Variants in TRIO observed in about 807,000 individuals in gnomAD.
The protein encoded by TRIO is triple functional domain protein.
A neutral mutation model predicts 351.9 loss-of-function variants in TRIO; 58 were observed. The observed-to-expected ratio is 0.16, with a 90% CI of 0.13 to 0.21. The LOEUF is 0.21. Among genes scored for constraint, TRIO ranks in the 10% least tolerant of loss-of-function variants. TRIO has a pLI of 1.00. For synonymous variants in TRIO, 1,758 were observed against 1,595.7 expected, an observed-to-expected ratio of 1.10 and a Z score of -2.42; for missense variants, 3,201 against 4,027.8, an observed-to-expected ratio of 0.79 and a Z score of 5.56.
chr5:14,265,691 T>C (rs1795631297), intron 1 of TRIO, among the ~76,000 whole-genome samples: 2 of 152,180 alleles, frequency 1.3e-5, no homozygotes, highest in African/African-American at 4.8e-5. Context: ...CTTAGAAAGG[T>C]ATTTGTCTCA....
intron 9 of TRIO, among the ~76,000 whole-genome samples, chr5:14,320,493 GC>G (rs1739783518): frequency 6.6e-6 from 1 of 152,216 alleles, no homozygotes; most frequent in South Asian, 2.1e-4. Flanking sequence ...CTTCTGCAAA[GC>G]CCCCGTTTCC....
chr5:14,508,577 C>T lies in TRIO; in HGVS notation c.*155C>T. Reference sequence around the variant, plus strand: ...TGAGCTGTGCTCAGCAGTGCTTGGACACAGAGCTGCAAGCTGCGCTGGGGT... The same window carrying T: ...TGAGCTGTGCTCAGCAGTGCTTGGATACAGAGCTGCAAGCTGCGCTGGGGT... On this transcript the variant is annotated 3_prime_UTR_variant, in exon 57 of 57. Transcript: ENST00000344204. The T allele has an allele frequency of 1.0e-6, 1 of 968,944 alleles. No homozygotes were observed. 60.0% of individuals were successfully genotyped at this position (968,944 alleles called of 1,614,324 possible).
chr5:14,143,584 C>A lies in TRIO; in HGVS notation c.-142C>A. 5.7e-6 allele frequency: 1 copy of A among 174,556 alleles called. No homozygotes were observed. Among genetic ancestry groups the A allele is most frequent in the South Asian group, 1.7e-4 (1 of 6,024 alleles). The allele number at this position is 174,556 out of a possible 1,614,324, so 10.8% of individuals were successfully genotyped here. ...GGGCCGAGCCGCCGCCGCCGCCCCC[C>A]GCCGCCCCGGGGCTCTGCGTCCGCG... On this transcript the variant is annotated 5_prime_UTR_variant, in exon 1 of 57. Coordinates refer to ENST00000344204, the MANE Select transcript of TRIO (RefSeq NM_007118.4).
intron 34 of TRIO, 141 bp from the exon 35 acceptor site, chr5:14,460,878 C>A: frequency 1.1e-6 from 1 of 923,508 alleles, no homozygotes; most frequent in Non-Finnish European, 1.6e-6. Flanking sequence ...CAGCCCCTGT[C>A]ATCTCACACC....
At chr5:14,229,862 G>A (rs1019654720) in intron 1 of TRIO, among the ~76,000 whole-genome samples, 4 of 152,148 alleles carry the variant, frequency 2.6e-5, no homozygotes, top group African/African-American at 7.2e-5. Context: ...CAGTGGTACC[G>A]AAATGCAGGT....
intron 9 of TRIO, among the ~76,000 whole-genome samples, chr5:14,329,659 C>T (rs1740727201): frequency 6.6e-6 from 1 of 152,182 alleles, no homozygotes; most frequent in Admixed American, 6.5e-5. Flanking sequence ...AGTGAACCTT[C>T]AATACTATAG....
At chr5:14,316,917 G>T (rs1202239092) in intron 9 of TRIO, among the ~76,000 whole-genome samples, 174 bp downstream of exon 9, 1 of 152,218 alleles carries the variant, frequency 6.6e-6, no homozygotes, top group Non-Finnish European at 1.5e-5. Flanking sequence ...TGTTCAGGCT[G>T]CTGTCAGCCA....
intron 34 of TRIO, among the ~76,000 whole-genome samples, chr5:14,426,794 A>T (rs761216389): frequency 6.6e-6 from 1 of 152,152 alleles, no homozygotes; most frequent in African/African-American, 2.4e-5. Context: ...GCTCAGTGGG[A>T]GACTCTCAGC....
At chr5:14,491,283 G>T (rs189172536) in intron 48 of TRIO, among the ~76,000 whole-genome samples, 22 of 152,302 alleles carry the variant, frequency 1.4e-4, no homozygotes, top group Non-Finnish European at 2.6e-4. Context: ...GCTGAGAGGC[G>T]GTAGAGCAGG....
rs200445950 is a variant in TRIO, at chr5:14,366,842, T to C, written c.2755-18T>C. 3.7e-6 allele frequency: 6 copies of C among 1,614,134 alleles called. No individual in the cohort carries two copies. The East Asian group carries it at 6.7e-5, about 18-fold the overall frequency. On this transcript the variant is annotated intron_variant, in intron 15 of 56. Transcript: ENST00000344204. ...CTGGGAAGTCCACTGCTTGGAGTTA[T>C]CCTGTGTAATGTTTCAGGTGCTGGG... is the stretch of plus-strand genomic sequence containing the variant.
rs561790958 is a variant in TRIO at position 14,416,130 on chromosome 5, C to CAACT, written c.4960-3647_4960-3644dup. ...TAGATAAATAAAATGGTAACTCTTT[C>CAACT]AACTGAGGGTAGAAATTCTCTGAAA... On this transcript the variant is annotated intron_variant, in intron 33 of 56. Transcript: ENST00000344204. Among the ~76,000 whole-genome samples the CAACT allele has an allele frequency of 2.1e-3, 310 of 149,758 alleles. 1 individual carries two copies. Among genetic ancestry groups the CAACT allele is most frequent in the Non-Finnish European group, 3.1e-3 (212 of 67,572 alleles).
chr5:14,426,916 T>C (rs1158956302), intron 34 of TRIO, among the ~76,000 whole-genome samples: 1 of 152,234 alleles, frequency 6.6e-6, no homozygotes, highest in Non-Finnish European at 1.5e-5. Context: ...ATAGATTTAT[T>C]TATTTGCTGG....
chr5:14,451,588 A>T (rs978542156), intron 34 of TRIO, among the ~76,000 whole-genome samples: 4 of 152,264 alleles, frequency 2.6e-5, no homozygotes, highest in Admixed American at 2.0e-4. Context: ...ATTCTTGACA[A>T]GACAGAAGTT....
chr5:14,182,904 A>G (rs1418317789), intron 1 of TRIO, among the ~76,000 whole-genome samples: 1 of 148,598 alleles, frequency 6.7e-6, no homozygotes, highest in East Asian at 2.0e-4. Flanking sequence ...TTCTAGAGCA[A>G]GGGTGGCAGC....
chr5:14,340,493 G>A (rs564259336), intron 11 of TRIO, among the ~76,000 whole-genome samples: 1 of 152,192 alleles, frequency 6.6e-6, no homozygotes, highest in East Asian at 1.9e-4. Context: ...CGTGACAGAA[G>A]TTAGTCTTCC....
In TRIO at chr5:14,507,866, A is replaced by G. The variant is rs755802860; in HGVS notation, c.8752-14A>G. On this transcript the variant is annotated splice_polypyrimidine_tract_variant and intron_variant, in intron 56 of 56. Coordinates refer to ENST00000344204, the MANE Select transcript of TRIO (RefSeq NM_007118.4). The stretch of plus-strand genomic sequence containing the variant: ...TGGATGGTCTGAAAATGACAGTTGT[A>G]TTCTGATTTCCAGCCTGAGAATATC... 7.5e-6 allele frequency: 12 copies of G among 1,607,400 alleles called. No homozygotes were observed. Among genetic ancestry groups the G allele is most frequent in the Non-Finnish European group, 9.3e-6 (11 of 1,176,630 alleles).
At chr5:14,150,161 A>C (rs529044975) in intron 1 of TRIO, among the ~76,000 whole-genome samples, 6 of 152,222 alleles carry the variant, frequency 3.9e-5, no homozygotes, top group Non-Finnish European at 8.8e-5. Context: ...TAGATCACAA[A>C]CTATAGTACA....
chr5:14,291,788 TAAAAAA>T lies in TRIO; in HGVS notation c.1053+583_1053+588del, dbSNP rs57424190. On this transcript the variant is annotated intron_variant, in intron 5 of 56. Coordinates refer to ENST00000344204, the MANE Select transcript of TRIO (RefSeq NM_007118.4). ...TGGGCGACAGAGTGAGACTCCGTCT[TAAAAAA>T]AAAAAAAAAAAAAAAAAAAAAAGTG... is the stretch of plus-strand genomic sequence containing the variant. 4.9e-5 allele frequency among the ~76,000 whole-genome samples: 5 copies of T among 101,016 alleles called. 1 individual carries two copies. Among genetic ancestry groups the T allele is most frequent in the Admixed American group, 2.4e-4 (2 of 8,352 alleles). The allele number at this position is 101,016 out of a possible 152,430, so 66.3% of individuals were successfully genotyped here.
intron 1 of TRIO, among the ~76,000 whole-genome samples, chr5:14,163,225 A>G (rs1027343712): frequency 1.3e-5 from 2 of 151,816 alleles, no homozygotes; most frequent in Admixed American, 6.6e-5. Flanking sequence ...CTGTGCCCAT[A>G]TCTTCTCATT....
Sources: allele counts gnomAD v4.1 joint callset (sites outside exome capture counted in the v4.1 genomes callset), GRCh38; gene constraint gnomAD v4.1.1; transcripts MANE v1.5; gene names NCBI Gene and HGNC (gene_info 2026-07-23, HGNC 2026-07-21).